CEACAM6: variants seen among roughly 807,000 people sequenced by gnomAD.
CEACAM6 encodes CEA cell adhesion molecule 6.
In CEACAM6, 21 loss-of-function variants were observed where a neutral mutation model predicts 32.4. The observed-to-expected ratio is 0.65, with a 90% confidence interval of 0.46 to 0.93. CEACAM6 has a LOEUF of 0.93. Ranked by LOEUF, CEACAM6 falls within the 40% of genes least tolerant of loss-of-function variation. The pLI, the probability that CEACAM6 is intolerant of heterozygous loss-of-function variation, is 0.00. For synonymous variants in CEACAM6, 184 were observed against 174.4 expected (o/e 1.06, Z -0.43); for missense variants, 406 against 432.2 (o/e 0.94, Z 0.54).
At chr19:41,768,305 ACG>A (rs1555822571) in intron 5 of CEACAM6, among the ~76,000 whole-genome samples, 1 of 152,166 alleles carries the variant, frequency 6.6e-6, no homozygotes, top group Non-Finnish European at 1.5e-5. Flanking sequence ...ATGACTCTTA[ACG>A]AGCATGCTGC....
chr19:41,756,506 A>C (rs1293020424), intron 1 of CEACAM6, 94 bp from the exon 2 acceptor site: 45 of 1,477,570 alleles, frequency 3.0e-5, no homozygotes, highest in Non-Finnish European at 3.7e-5. Flanking sequence ...TCCAACGTGG[A>C]GGGGTGAAGA....
Position 41,766,289 on chromosome 19 carries a change from A to C in CEACAM6, c.*30A>C. The C allele has an allele frequency of 6.6e-7, 1 of 1,517,522 alleles. No homozygotes were observed. The highest frequency in any genetic ancestry group is 9.0e-7 in the Non-Finnish European group (1 of 1,114,778). The allele number at this position is 1,517,522 out of a possible 1,614,324, so 94.0% of individuals were successfully genotyped here. ...CCTGGTGTATTTTCGATATTTCAGG[A>C]AGACTGGCAGGTATGATCGCCTTTC... On this transcript the variant is annotated 3_prime_UTR_variant, in exon 5 of 6. Coordinates refer to ENST00000199764, the MANE Select transcript of CEACAM6 (RefSeq NM_002483.7).
chr19:41,758,974 C>G (rs1403219665), intron 2 of CEACAM6, among the ~76,000 whole-genome samples: 3 of 152,238 alleles, frequency 2.0e-5, no homozygotes, highest in African/African-American at 7.2e-5. Flanking sequence ...ACATGTGGAA[C>G]AGGCCACGGG....
intron 5 of CEACAM6, among the ~76,000 whole-genome samples, chr19:41,770,237 T>C (rs2122941008): frequency 2.2e-5 from 3 of 133,442 alleles, no homozygotes; most frequent in Non-Finnish European, 3.1e-5. Context: ...TGGCAAAACC[T>C]CGTCTCTGCT....
chr19:41,770,678 G>A (rs1241429933), intron 5 of CEACAM6, 124 bp from the exon 6 acceptor site: 1 of 152,094 alleles, frequency 6.6e-6, no homozygotes, highest in Non-Finnish European at 1.5e-5. Flanking sequence ...GTCTTACTGG[G>A]ATTATCTTTG....
chr19:41,758,103 G>A (rs1453216749), intron 2 of CEACAM6: 1 of 152,206 alleles, frequency 6.6e-6, no homozygotes, highest in Non-Finnish European at 1.5e-5. Context: ...GAAGCAAACA[G>A]AGAATTAATC....
chr19:41,763,486 C>T (rs1202846682), intron 4 of CEACAM6, among the ~76,000 whole-genome samples: 1 of 152,226 alleles, frequency 6.6e-6, no homozygotes, highest in Non-Finnish European at 1.5e-5. Context: ...AGGCAGTCAG[C>T]CAGTCAGGGA....
chr19:41,762,414 T>C (rs2072932268), intron 4 of CEACAM6, among the ~76,000 whole-genome samples, 191 bp downstream of exon 4: 1 of 152,168 alleles, frequency 6.6e-6, no homozygotes, highest in Non-Finnish European at 1.5e-5. Context: ...TTGTTGTTTT[T>C]TGTTTTTTGA....
chr19:41,758,726 G>C (rs1555821488), intron 2 of CEACAM6, among the ~76,000 whole-genome samples: 1 of 152,118 alleles, frequency 6.6e-6, no homozygotes, highest in East Asian at 1.9e-4. Context: ...GCCCTGCCCT[G>C]CACAGCTTCC....
At position 41,756,706 on chromosome 19, in the gene CEACAM6, C is replaced by G; in HGVS notation, c.171C>G (p.Asn57Lys). 6.2e-7 allele frequency: 1 copy of G among 1,614,156 alleles called. No individual in the cohort carries two copies. Among genetic ancestry groups the G allele is most frequent in the South Asian group, 1.1e-5 (1 of 91,084 alleles). Residue 57 changes from asparagine to lysine, a missense_variant, in exon 2 of 6, where the codon AAC (asparagine) becomes AAG (lysine). Asn to Lys is a moderately conservative substitution (Grantham distance 94). Coordinates refer to ENST00000199764, the MANE Select transcript of CEACAM6 (RefSeq NM_002483.7). ...EGKEVLLLAH[N>K]LPQNRIGYSW... ...AGGAGGTTCTTCTACTCGCCCACAACCTGCCCCAGAATCGTATTGGTTACA... is the reference window on the plus strand; with the variant it reads ...AGGAGGTTCTTCTACTCGCCCACAAGCTGCCCCAGAATCGTATTGGTTACA...
chr19:41,759,839 C>CTA, intron 2 of CEACAM6, among the ~76,000 whole-genome samples: 1 of 152,282 alleles, frequency 6.6e-6, no homozygotes, highest in Non-Finnish European at 1.5e-5. Context: ...AATTACAACA[C>CTA]TACAGGTCAA....
rs781837415 is a variant in CEACAM6 at position 41,756,822 on chromosome 19, G to A, written c.287G>A (p.Ser96Asn). 6.2e-7 allele frequency: 1 copy of A among 1,614,118 alleles called. No individual in the cohort carries two copies. Among genetic ancestry groups the A allele is most frequent in the Non-Finnish European group, 8.5e-7 (1 of 1,180,010 alleles). ...CAAGCTACCCCAGGGCCCGCATACA[G>A]TGGTCGAGAGACAATATACCCCAAT... ...TQQATPGPAY[S>N]GRETIYPNAS... The change falls in exon 2 of 6, where the codon AGT becomes AAT. Residue 96 changes from serine (S) to asparagine (N), a missense_variant. Physicochemically the swap from Ser to Asn is conservative, Grantham distance 46 (BLOSUM62 1). Coordinates refer to ENST00000199764, the MANE Select transcript of CEACAM6 (RefSeq NM_002483.7).
At chr19:41,769,066 C>A (rs2072975770) in intron 5 of CEACAM6, among the ~76,000 whole-genome samples, 3 of 152,214 alleles carry the variant, frequency 2.0e-5, no homozygotes, top group African/African-American at 7.2e-5. Context: ...CTGCCTCAGC[C>A]CCCTGCACAG....
rs1225077419 is a variant in CEACAM6, at chr19:41,755,703, G to A, written c.64+1G>A. The stretch of plus-strand genomic sequence containing the variant: ...CCCTGGAAGGAGGTCCTGCTCACAG[G>A]TGAGGGGAGGACTCCCTCGGAGTGG... On this transcript the variant is annotated splice_donor_variant, in intron 1 of 5. Transcript: ENST00000199764. LOFTEE classifies it high-confidence loss of function. 5.6e-6 allele frequency: 9 copies of A among 1,603,486 alleles called. No homozygotes were observed. Among genetic ancestry groups the A allele is most frequent in the African/African-American group, 2.7e-5 (2 of 74,216 alleles).
At position 41,760,188 on chromosome 19, in the gene CEACAM6, T is replaced by C. The variant is rs1033703385; in HGVS notation, c.425-1061T>C. ...TCCCCATTCTGCCTCTCCCAATCCC[T>C]GGCAACCATGATTCTACTCTGATTC... is the stretch of plus-strand genomic sequence containing the variant. On this transcript the variant is annotated intron_variant, in intron 2 of 5. Transcript: ENST00000199764. Among the ~76,000 whole-genome samples the C allele has an allele frequency of 4.6e-5, 7 of 152,332 alleles. No homozygotes were observed. In the East Asian group the frequency reaches 1.2e-3, roughly 25 times the overall value.
intron 2 of CEACAM6, among the ~76,000 whole-genome samples, chr19:41,759,007 T>C (rs2072906790): frequency 6.6e-6 from 1 of 152,212 alleles, no homozygotes; most frequent in South Asian, 2.1e-4. Flanking sequence ...GACTCCTCCA[T>C]ACAGTCTCTA....
In CEACAM6 at chr19:41,755,674, T is replaced by C. The variant is rs141906944; in HGVS notation, c.36T>C (p.His12=). The part of the protein sequence containing the change: ...GPPSAPPCRL[H]VPWKEVLLTA... The stretch of plus-strand genomic sequence containing the variant: ...CCTCAGCCCCTCCCTGCAGATTGCA[T>C]GTCCCCTGGAAGGAGGTCCTGCTCA... Residue 12 remains histidine (H), a synonymous_variant, in exon 1 of 6, where the codon CAT becomes CAC. Transcript: ENST00000199764. 6.2e-7 allele frequency: 1 copy of C among 1,607,104 alleles called. No homozygotes were observed. Among genetic ancestry groups the C allele is most frequent in the African/African-American group, 1.3e-5 (1 of 74,468 alleles).
rs188352657 is a variant in CEACAM6 at position 41,758,406 on chromosome 19, C to G, written c.424+1447C>G. ...AAGGATCCATAACCTCTTTAGAGACCGGCTCCTGGATGCAGAATCCTATGA... is the reference window on the plus strand; with the variant it reads ...AAGGATCCATAACCTCTTTAGAGACGGGCTCCTGGATGCAGAATCCTATGA... On this transcript the variant is annotated intron_variant, in intron 2 of 5. Coordinates refer to ENST00000199764, the MANE Select transcript of CEACAM6 (RefSeq NM_002483.7). Among the ~76,000 whole-genome samples, 19 of 152,176 alleles carry G rather than the reference C, an allele frequency of 1.2e-4. No individual in the cohort carries two copies. In the East Asian group the frequency reaches 2.9e-3, roughly 23 times the overall value.
At chr19:41,768,869 A>C (rs542081048) in intron 5 of CEACAM6, among the ~76,000 whole-genome samples, 31 of 152,346 alleles carry the variant, frequency 2.0e-4, no homozygotes, top group Non-Finnish European at 4.0e-4. Flanking sequence ...CAGATGTTTA[A>C]CCATACTCAT....
Sources: allele counts gnomAD v4.1 joint callset (sites outside exome capture counted in the v4.1 genomes callset), GRCh38; gene constraint gnomAD v4.1.1; transcripts MANE v1.5; gene names NCBI Gene and HGNC (gene_info 2026-07-23, HGNC 2026-07-21).